Variants in ZNF385D observed in about 807,000 individuals in gnomAD.
ZNF385D encodes zinc finger protein 385D.
A neutral mutation model predicts 35.8 loss-of-function variants in ZNF385D; 15 were observed. The observed-to-expected ratio is 0.42, with a 90% CI of 0.28 to 0.64. The LOEUF (loss-of-function observed/expected upper bound fraction) is 0.64, where lower values mean the gene tolerates loss of function less well. Among genes scored for constraint, ZNF385D ranks in the 30% least tolerant of loss-of-function variants. The pLI is 0.23. For missense variants in ZNF385D, 474 were observed against 494.6 expected, an observed-to-expected ratio of 0.96 and a Z score of 0.39; for synonymous variants, 212 against 186.8, an observed-to-expected ratio of 1.13 and a Z score of -1.10.
At chr3:21,963,929 ATTAATG>A (rs1702737391) in intron 3 of ZNF385D, among the ~76,000 whole-genome samples, 1 of 152,196 alleles carries the variant, frequency 6.6e-6, no homozygotes, top group African/African-American at 2.4e-5. Flanking sequence ...GGCTACTAAT[ATTAATG>A]TTATTTTATG....
chr3:21,502,806 T>C (rs1706484583), intron 4 of ZNF385D, among the ~76,000 whole-genome samples: 2 of 152,182 alleles, frequency 1.3e-5, no homozygotes, highest in African/African-American at 4.8e-5. Context: ...AAAATCTCTT[T>C]CTTTGACCAA....
At chr3:22,161,859 T>C (rs893787055) in intron 3 of ZNF385D, among the ~76,000 whole-genome samples, 2 of 152,196 alleles carry the variant, frequency 1.3e-5, no homozygotes, top group African/African-American at 4.8e-5. Context: ...GGTATAATTT[T>C]GTTGACAGTA....
intron 3 of ZNF385D, among the ~76,000 whole-genome samples, chr3:21,983,169 T>TA (rs202233092): frequency 0.11 from 15,724 of 146,908 alleles, 1,110 homozygotes; most frequent in South Asian, 0.26. Flanking sequence ...ATTTTATTAT[T>TA]TTTTTTTATT....
At chr3:22,273,248 A>C (rs1456950298) in intron 2 of ZNF385D, among the ~76,000 whole-genome samples, 1 of 152,060 alleles carries the variant, frequency 6.6e-6, no homozygotes. Flanking sequence ...TGATAGCTTT[A>C]TCTGTAGAAC....
At chr3:21,840,398 G>T (rs947777083) in intron 3 of ZNF385D, among the ~76,000 whole-genome samples, 1 of 152,008 alleles carries the variant, frequency 6.6e-6, no homozygotes, top group African/African-American at 2.4e-5. Context: ...GGATATAACC[G>T]TTCTTTTAAA....
At chr3:22,367,961 G>T (rs113271349) in intron 2 of ZNF385D, among the ~76,000 whole-genome samples, 1 of 152,098 alleles carries the variant, frequency 6.6e-6, no homozygotes, top group Non-Finnish European at 1.5e-5. Context: ...GAATCAAGGC[G>T]CATCAAGATC....
intron 3 of ZNF385D, among the ~76,000 whole-genome samples, chr3:22,107,473 T>C (rs539110380): frequency 2.0e-5 from 3 of 152,118 alleles, no homozygotes; most frequent in African/African-American, 7.2e-5. Context: ...TAAAAACTAC[T>C]AATCTTAAAA....
intron 2 of ZNF385D, among the ~76,000 whole-genome samples, chr3:21,599,339 A>G (rs534759263): frequency 6.6e-6 from 1 of 152,374 alleles, no homozygotes; most frequent in African/African-American, 2.4e-5. Context: ...TACTGCATGA[A>G]TGAATGAGGT....
At chr3:22,231,119 G>T (rs962431874) in intron 2 of ZNF385D, among the ~76,000 whole-genome samples, 3 of 152,074 alleles carry the variant, frequency 2.0e-5, no homozygotes, top group Non-Finnish European at 2.9e-5. Flanking sequence ...TCAACAATAG[G>T]AACAGGGCAA....
At chr3:21,806,863 ACAAAG>A (rs539960929) in intron 3 of ZNF385D, among the ~76,000 whole-genome samples, 153 of 152,342 alleles carry the variant, frequency 1.0e-3, no homozygotes, top group African/African-American at 3.4e-3. Context: ...AATCAAAAAA[ACAAAG>A]CAAAGCAAAA....
chr3:21,630,306 A>T (rs1472818236), intron 2 of ZNF385D, among the ~76,000 whole-genome samples: 2 of 151,622 alleles, frequency 1.3e-5, no homozygotes, highest in African/African-American at 4.9e-5. Context: ...CCTGAGTTCA[A>T]GTGATTCTCC....
At chr3:21,782,069 G>A (rs868059229) in intron 3 of ZNF385D, among the ~76,000 whole-genome samples, 2 of 152,022 alleles carry the variant, frequency 1.3e-5, no homozygotes, top group African/African-American at 4.8e-5. Context: ...TGTGGAAAGG[G>A]ACTCATTTTA....
At chr3:21,932,788 G>T (rs1009055633) in intron 3 of ZNF385D, among the ~76,000 whole-genome samples, 5 of 152,062 alleles carry the variant, frequency 3.3e-5, no homozygotes, top group African/African-American at 1.2e-4. Flanking sequence ...AAGTGCTACA[G>T]AATAAAAACA....
chr3:21,632,080 G>T (rs13071136), intron 2 of ZNF385D, among the ~76,000 whole-genome samples: 1 of 151,966 alleles, frequency 6.6e-6, no homozygotes. Context: ...CACTATTCTA[G>T]GCACTGTGAC....
intron 3 of ZNF385D, among the ~76,000 whole-genome samples, chr3:22,093,102 G>A (rs949970244): frequency 6.6e-6 from 1 of 152,096 alleles, no homozygotes; most frequent in African/African-American, 2.4e-5. Flanking sequence ...GAGAAGTGAA[G>A]TGTTGGTGCC....
intron 2 of ZNF385D, among the ~76,000 whole-genome samples, chr3:22,356,885 G>A (rs183263717): frequency 9.7e-4 from 148 of 151,900 alleles, no homozygotes; most frequent in African/African-American, 3.4e-3. Context: ...ATGAAGAATG[G>A]GAGGTTTGAG....
intron 4 of ZNF385D, among the ~76,000 whole-genome samples, chr3:21,481,681 A>G (rs1204012611): frequency 1.3e-5 from 2 of 152,042 alleles, no homozygotes; most frequent in Non-Finnish European, 2.9e-5. Flanking sequence ...GGTGACAGCC[A>G]CCACTCCTGG....
At chr3:21,960,832 A>G (rs1702546658) in intron 3 of ZNF385D, among the ~76,000 whole-genome samples, 2 of 152,192 alleles carry the variant, frequency 1.3e-5, no homozygotes, top group African/African-American at 4.8e-5. Context: ...AGGCACAGAA[A>G]TAAATACTGT....
At chr3:22,286,788 G>T (rs1340608956) in intron 2 of ZNF385D, among the ~76,000 whole-genome samples, 4 of 152,006 alleles carry the variant, frequency 2.6e-5, no homozygotes, top group African/African-American at 9.7e-5. Context: ...TTGTTTTGTG[G>T]CTTAACATAT....
Sources: allele counts gnomAD v4.1 joint callset (sites outside exome capture counted in the v4.1 genomes callset), GRCh38; gene constraint gnomAD v4.1.1; transcripts MANE v1.5; gene names NCBI Gene and HGNC (gene_info 2026-07-23, HGNC 2026-07-21).